The following PDE8A variants were observed in gnomAD, a reference collection of about 807,000 sequenced individuals.
PDE8A encodes phosphodiesterase 8A, also known as high affinity cAMP-specific and IBMX-insensitive 3',5'-cyclic phosphodiesterase 8A.
PDE8A carries 59 observed loss-of-function variants against 105.0 expected under a neutral mutation model. The observed-to-expected ratio is 0.56, with a 90% confidence interval of 0.46 to 0.70. The LOEUF (loss-of-function observed/expected upper bound fraction) is 0.70. Ranked by LOEUF, PDE8A falls within the 30% of genes least tolerant of loss-of-function variation. PDE8A has a pLI of 0.00. For synonymous variants in PDE8A, 355 were observed against 371.9 expected, an observed-to-expected ratio of 0.95 and a Z score of 0.52; for missense variants, 1,014 against 1,045.9, an observed-to-expected ratio of 0.97 and a Z score of 0.42.
At chr15:85,001,340 CT>C (rs960460835) in intron 1 of PDE8A, among the ~76,000 whole-genome samples, 5 of 151,926 alleles carry the variant, frequency 3.3e-5, no homozygotes, top group Admixed American at 1.3e-4. Context: ...AAAATGCCCC[CT>C]TTTTTTTGTA....
rs1180821085 is a variant in PDE8A, at chr15:84,981,930, GGCC to G, written c.-232_-230del. 3.8e-6 allele frequency: 1 copy of G among 261,818 alleles called. No individual in the cohort carries two copies. Among genetic ancestry groups the G allele is most frequent in the African/African-American group, 2.3e-5 (1 of 44,256 alleles). 16.2% of individuals were successfully genotyped at this position (261,818 alleles called of 1,614,324 possible). A position where few individuals can be genotyped will look rare whatever the true frequency, so the allele number is the denominator to read the frequency against. On this transcript the variant is annotated 5_prime_UTR_variant, in exon 1 of 22. Transcript: ENST00000394553. ...TCAGGAAGGGCATGTTCGGAGGGGC[GGCC>G]TCGGCACGCCACCCGCCTAAGCGCC...
At chr15:85,106,964 T>G (rs2081956828) in intron 11 of PDE8A, among the ~76,000 whole-genome samples, 1 of 152,090 alleles carries the variant, frequency 6.6e-6, no homozygotes, top group African/African-American at 2.4e-5. Flanking sequence ...TTCCAGCAGA[T>G]GGTAGGCACA....
intron 1 of PDE8A, among the ~76,000 whole-genome samples, chr15:84,990,258 G>C (rs994438776): frequency 2.6e-5 from 4 of 152,176 alleles, no homozygotes; most frequent in Non-Finnish European, 4.4e-5. Flanking sequence ...AAAGTAAAAT[G>C]TGTAAATTTT....
Position 85,114,016 on chromosome 15 carries a change from C to T in PDE8A, c.1329C>T (p.Asp443=). 2 of 1,613,762 alleles carry T rather than the reference C, an allele frequency of 1.2e-6. No homozygotes were observed. Among genetic ancestry groups the T allele is most frequent in the Non-Finnish European group, 1.7e-6 (2 of 1,179,650 alleles). The part of the protein sequence containing the change: ...GAKDDDPHAN[D]LVGGLMSDGL... ...AAGATGATGATCCCCATGCCAATGA[C>T]CTTGTTGGGGGCTTAATGTCTGTAA... The change falls in exon 14 of 22, where the codon GAC becomes GAT. Residue 443 remains aspartate, a synonymous_variant. Coordinates refer to ENST00000394553, the MANE Select transcript of PDE8A (RefSeq NM_002605.3).
At chr15:85,028,914 T>C (rs2080564802) in intron 1 of PDE8A, among the ~76,000 whole-genome samples, 1 of 152,166 alleles carries the variant, frequency 6.6e-6, no homozygotes, top group Admixed American at 6.5e-5. Context: ...ATTGCATATG[T>C]TTAAGACTCA....
chr15:85,006,012 C>T (rs2080141093), intron 1 of PDE8A, among the ~76,000 whole-genome samples: 1 of 151,800 alleles, frequency 6.6e-6, no homozygotes, highest in African/African-American at 2.4e-5. Context: ...TTGCAGAATT[C>T]TGGAGATTTA....
At position 85,112,195 on chromosome 15, in the gene PDE8A, A is replaced by G. The variant is rs1231638509; in HGVS notation, c.1115-1182A>G. 2.0e-5 allele frequency among the ~76,000 whole-genome samples: 3 copies of G among 152,086 alleles called. No homozygotes were observed. In the East Asian group the frequency reaches 5.8e-4, roughly 29 times the overall value. ...CCTTTATTTTTAATTGACAAGAATT[A>G]TGTGTATTTATCATGTATATGATGT... On this transcript the variant is annotated intron_variant, in intron 12 of 21. Coordinates refer to ENST00000394553, the MANE Select transcript of PDE8A (RefSeq NM_002605.3).
At chr15:84,987,179 C>T (rs2079815945) in intron 1 of PDE8A, among the ~76,000 whole-genome samples, 1 of 152,150 alleles carries the variant, frequency 6.6e-6, no homozygotes, top group African/African-American at 2.4e-5. Flanking sequence ...AAAGATATTT[C>T]TTTATTCATT....
chr15:85,018,291 A>T (rs1219450066), intron 1 of PDE8A, among the ~76,000 whole-genome samples: 3 of 152,244 alleles, frequency 2.0e-5, no homozygotes, highest in Non-Finnish European at 4.4e-5. Context: ...CTGTTTCAGG[A>T]CAAGATGAGT....
chr15:85,026,975 C>T lies in PDE8A; in HGVS notation c.187-37395C>T, dbSNP rs2080528284. ...TTAAAACACTGCTTAACTGTAGTAA[C>T]ATCTAATTTGGTTTATGAACACCAA... is the stretch of plus-strand genomic sequence containing the variant. On this transcript the variant is annotated intron_variant, in intron 1 of 21. Coordinates refer to ENST00000394553, the MANE Select transcript of PDE8A (RefSeq NM_002605.3). Among the ~76,000 whole-genome samples the T allele has an allele frequency of 2.6e-5, 4 of 152,242 alleles. No individual in the cohort carries two copies. In the South Asian group the frequency reaches 8.3e-4, roughly 32 times the overall value.
chr15:85,134,465 T>A (rs953230891), intron 20 of PDE8A, among the ~76,000 whole-genome samples: 1 of 152,116 alleles, frequency 6.6e-6, no homozygotes, highest in African/African-American at 2.4e-5. Context: ...TAGGGCTGAC[T>A]GCTTTTCTTA....
Position 85,097,994 on chromosome 15 carries a change from T to C in PDE8A, c.899T>C (p.Ile300Thr). Reference protein sequence around the residue: ...YYAKKKNGDNIQQNVKIIPVI... With the variant: ...YYAKKKNGDNTQQNVKIIPVI... ...GCCAAAAAGAAAAACGGAGATAATA[T>C]ACAACAAAATGTGAAGATAATACCT... The change falls in exon 9 of 22, where the codon ATA (isoleucine) becomes ACA (threonine). Residue 300 changes from isoleucine (I) to threonine (T), a missense_variant. Transcript: ENST00000394553. 6.2e-7 allele frequency: 1 copy of C among 1,604,692 alleles called. No individual in the cohort carries two copies. The highest frequency in any genetic ancestry group is 8.5e-7 in the Non-Finnish European group (1 of 1,171,608).
In PDE8A at chr15:85,083,591, C is replaced by T. The variant is rs1307033978; in HGVS notation, c.582C>T (p.Tyr194=). 6.2e-7 allele frequency: 1 copy of T among 1,613,402 alleles called. No individual in the cohort carries two copies. Among genetic ancestry groups the T allele is most frequent in the Non-Finnish European group, 8.5e-7 (1 of 1,179,486 alleles). The part of the protein sequence containing the change: ...YVENPNIMAC[Y]NELLQLEFGE... ...AAAACCCCAACATCATGGCCTGCTA[C>T]AATGAACTGCTCCAGCTGGAGTTTG... The change falls in exon 6 of 22, where the codon TAC becomes TAT. Residue 194 remains tyrosine (Y), a synonymous_variant. Coordinates refer to ENST00000394553, the MANE Select transcript of PDE8A (RefSeq NM_002605.3).
intron 1 of PDE8A, among the ~76,000 whole-genome samples, chr15:84,984,386 T>A (rs1211706366): frequency 1.3e-5 from 2 of 152,260 alleles, no homozygotes; most frequent in Non-Finnish European, 2.9e-5. Flanking sequence ...AGATATTAAC[T>A]ATGCTCTGGA....
At chr15:85,113,287 A>G (rs878882229) in intron 12 of PDE8A, 90 bp from the exon 13 acceptor site, 2 of 1,055,254 alleles carry the variant, frequency 1.9e-6, no homozygotes, top group South Asian at 1.3e-5. Flanking sequence ...CTGCCCCTTC[A>G]TCATGCAGCC....
chr15:85,125,690 T>G (rs1242646652), intron 19 of PDE8A, among the ~76,000 whole-genome samples: 1 of 152,122 alleles, frequency 6.6e-6, no homozygotes, highest in Non-Finnish European at 1.5e-5. Flanking sequence ...ATCCATCAAA[T>G]ATGTTAGGTG....
chr15:85,025,532 C>T (rs959122450), intron 1 of PDE8A, among the ~76,000 whole-genome samples: 2 of 152,204 alleles, frequency 1.3e-5, no homozygotes, highest in Admixed American at 6.5e-5. Context: ...CTTAAATTCT[C>T]TGGGCCCAGG....
At chr15:85,037,033 G>A (rs149035224) in intron 1 of PDE8A, among the ~76,000 whole-genome samples, 1 of 151,922 alleles carries the variant, frequency 6.6e-6, no homozygotes, top group East Asian at 1.9e-4. Context: ...TTCTTCAAAT[G>A]AAGGTTGCAG....
At chr15:84,997,925 T>C (rs945409437) in intron 1 of PDE8A, among the ~76,000 whole-genome samples, 20 of 152,214 alleles carry the variant, frequency 1.3e-4, no homozygotes, top group African/African-American at 4.8e-4. Flanking sequence ...AGGTTTAAGA[T>C]GGGTACAATT....
Sources: allele counts gnomAD v4.1 joint callset (sites outside exome capture counted in the v4.1 genomes callset), GRCh38; gene constraint gnomAD v4.1.1; transcripts MANE v1.5; gene names NCBI Gene and HGNC (gene_info 2026-07-23, HGNC 2026-07-21).